CDH17: variants seen among roughly 807,000 people sequenced by gnomAD.
CDH17 encodes the protein cadherin 17, also known as cadherin-17.
Under a neutral mutation model 86.3 loss-of-function variants are expected in CDH17, and 67 were observed. The ratio of observed to expected loss-of-function variants is 0.78; its 90% confidence interval spans 0.64 to 0.95. CDH17 has a LOEUF of 0.95. Among genes scored for constraint, CDH17 ranks in the 40% least tolerant of loss-of-function variants. The pLI, the probability that CDH17 is intolerant of heterozygous loss-of-function variation, is 0.00. For synonymous variants in CDH17, 367 were observed against 366.4 expected (o/e 1.00, Z -0.02); for missense variants, 993 against 1,017.6 (o/e 0.98, Z 0.33).
At chr8:94,193,625 T>C (rs543294424) in intron 2 of CDH17, among the ~76,000 whole-genome samples, 2 of 152,198 alleles carry the variant, frequency 1.3e-5, no homozygotes, top group East Asian at 1.9e-4. Flanking sequence ...TGGGATAACA[T>C]AGGTGACAAA....
rs371543248 is a variant in CDH17, at chr8:94,162,217, A to G, written c.1283-55T>C. 1.2e-4 allele frequency: 139 copies of G among 1,133,108 alleles called. No individual in the cohort carries two copies. In the African/African-American group the frequency reaches 1.7e-3, roughly 14 times the overall value. 70.2% of individuals were successfully genotyped at this position (1,133,108 alleles called of 1,614,324 possible). ...TTTTCACTGAAAACCATGCATTAAT[A>G]TCAGAAATCTGCAAGAAAATACTTG... On this transcript the variant is annotated intron_variant, in intron 10 of 17. Transcript: ENST00000027335.
In CDH17 at chr8:94,127,163, CAACA is replaced by C. The variant is rs1812318486; in HGVS notation, c.*1073_*1076del. On this transcript the variant is annotated 3_prime_UTR_variant, in exon 18 of 18. Transcript: ENST00000027335. ...AAATAAAAACAGAGGCAGAGCGGAT[CAACA>C]AACAAAACTGACTACAACCAGTGTT... is the stretch of plus-strand genomic sequence containing the variant. 6.6e-6 allele frequency: 1 copy of C among 152,216 alleles called. No individual in the cohort carries two copies. The highest frequency in any genetic ancestry group is 1.5e-5 in the Non-Finnish European group (1 of 68,024). The allele number at this position is 152,216 out of a possible 1,614,324, so 9.4% of individuals were successfully genotyped here.
At chr8:94,165,338 G>A (rs1348179277) in intron 10 of CDH17, among the ~76,000 whole-genome samples, 1 of 152,136 alleles carries the variant, frequency 6.6e-6, no homozygotes, top group Non-Finnish European at 1.5e-5. Flanking sequence ...CGACAGCTGT[G>A]CCAAGCTTTC....
At chr8:94,197,181 C>A (rs1268483157) in intron 1 of CDH17, 1 of 152,106 alleles carries the variant, frequency 6.6e-6, no homozygotes, top group Non-Finnish European at 1.5e-5. Context: ...TTTCTCTACC[C>A]TGAGTTGATG....
intron 3 of CDH17, among the ~76,000 whole-genome samples, chr8:94,184,738 G>GA (rs979688488): frequency 1.1e-4 from 17 of 150,578 alleles, no homozygotes; most frequent in East Asian, 5.8e-4. Context: ...TTTAAAATGA[G>GA]AAAAAAAAAG....
chr8:94,179,153 G>A (rs1383251177), intron 3 of CDH17, among the ~76,000 whole-genome samples: 1 of 151,884 alleles, frequency 6.6e-6, no homozygotes, highest in African/African-American at 2.4e-5. Flanking sequence ...TCACACCACA[G>A]TACCATGGAG....
At chr8:94,166,640 T>C (rs1444272857) in intron 9 of CDH17, among the ~76,000 whole-genome samples, 1 of 152,120 alleles carries the variant, frequency 6.6e-6, no homozygotes, top group Non-Finnish European at 1.5e-5. Flanking sequence ...ATGGGACTCA[T>C]TTGCAAATAA....
chr8:94,172,318 C>A (rs1813284587), intron 7 of CDH17, among the ~76,000 whole-genome samples: 1 of 151,982 alleles, frequency 6.6e-6, no homozygotes, highest in Non-Finnish European at 1.5e-5. Context: ...GCTGTTCTTC[C>A]TTTTTTTTCC....
intron 3 of CDH17, among the ~76,000 whole-genome samples, 163 bp from the exon 4 acceptor site, chr8:94,177,884 A>G (rs1359927341): frequency 6.6e-6 from 1 of 152,260 alleles, no homozygotes; most frequent in Non-Finnish European, 1.5e-5. Flanking sequence ...TTTGCACAAT[A>G]ACTGTGTAAC....
At chr8:94,156,736 C>A (rs921860856) in intron 12 of CDH17, among the ~76,000 whole-genome samples, 3 of 152,172 alleles carry the variant, frequency 2.0e-5, no homozygotes, top group African/African-American at 7.2e-5. Context: ...CATACCTGTC[C>A]GCAGGTAGAA....
chr8:94,175,899 G>A (rs974470570), intron 5 of CDH17, among the ~76,000 whole-genome samples: 3 of 152,090 alleles, frequency 2.0e-5, no homozygotes, highest in African/African-American at 4.8e-5. Flanking sequence ...TCAACTGGGG[G>A]TAATTTTTGA....
chr8:94,173,490 G>A (rs995098383), intron 7 of CDH17, among the ~76,000 whole-genome samples: 3 of 152,258 alleles, frequency 2.0e-5, no homozygotes, highest in Non-Finnish European at 1.5e-5. Context: ...AGCAGATGCT[G>A]GAGCCACGCT....
In CDH17 at chr8:94,130,980, C is replaced by T. The variant is rs765077127; in HGVS notation, c.2180G>A (p.Arg727Gln). The T allele has an allele frequency of 2.4e-5, 37 of 1,571,446 alleles. No homozygotes were observed. The highest frequency in any genetic ancestry group is 6.7e-5 in the African/African-American group (5 of 74,126). Residue 727 changes from arginine to glutamine, a missense_variant, in exon 16 of 18, where the codon CGA becomes CAA. Physicochemically the swap from Arg to Gln is conservative, Grantham distance 43. Transcript: ENST00000027335. Reference protein sequence around the residue: ...EVSKINGTHARLSTRHTEFEE... With the variant: ...EVSKINGTHAQLSTRHTEFEE... The stretch of plus-strand genomic sequence containing the variant: ...AAACTCTGTGTGCCTGGTAGACAGT[C>T]GGGCATGAGTACCTGCCAGGACAGG...
rs1812819983 is a variant in CDH17 at position 94,149,605 on chromosome 8, A to ACTTGGGC, written c.1797-732_1797-731insGCCCAAG. Among the ~76,000 whole-genome samples the ACTTGGGC allele has an allele frequency of 2.0e-5, 3 of 152,098 alleles. No homozygotes were observed. In the South Asian group the frequency reaches 6.2e-4, roughly 32 times the overall value. Reference sequence around the variant, plus strand: ...TAGAAGGAAGAGTGTGAGATAAAGCACCAAGGGCCAAGGAACAGCATGGTG... The same window carrying ACTTGGGC: ...TAGAAGGAAGAGTGTGAGATAAAGCACTTGGGCCCAAGGGCCAAGGAACAGCATGGTG... On this transcript the variant is annotated intron_variant, in intron 13 of 17. Transcript: ENST00000027335.
chr8:94,139,133 G>A (rs1255619391), intron 15 of CDH17, among the ~76,000 whole-genome samples: 1 of 152,236 alleles, frequency 6.6e-6, no homozygotes, highest in African/African-American at 2.4e-5. Flanking sequence ...ACTGAGAAGT[G>A]TAGATAGATA....
intron 14 of CDH17, among the ~76,000 whole-genome samples, 166 bp from the exon 15 acceptor site, chr8:94,146,333 TACTG>T (rs760255299): frequency 1.2e-4 from 19 of 152,248 alleles, no homozygotes; most frequent in South Asian, 4.1e-4. Flanking sequence ...GAAAAAGTCT[TACTG>T]ACCATCATAA....
Position 94,128,197 on chromosome 8 carries a change from G to GAAAT in CDH17, c.*39_*42dup. ...GTAATAGGATGAGATGGTTGTTGCT[G>GAAAT]AAATAGCACTTGCTATATAAATTCA... On this transcript the variant is annotated 3_prime_UTR_variant, in exon 18 of 18. Transcript: ENST00000027335. The GAAAT allele has an allele frequency of 8.0e-7, 1 of 1,250,250 alleles. No homozygotes were observed. The highest frequency in any genetic ancestry group is 1.2e-6 in the Non-Finnish European group (1 of 852,336). 77.4% of individuals were successfully genotyped at this position (1,250,250 alleles called of 1,614,324 possible). A position where few individuals can be genotyped will look rare whatever the true frequency, so the allele number is the denominator to read the frequency against.
At chr8:94,190,722 GA>G (rs1413188576) in intron 2 of CDH17, among the ~76,000 whole-genome samples, 1 of 152,124 alleles carries the variant, frequency 6.6e-6, no homozygotes, top group Non-Finnish European at 1.5e-5. Context: ...TAGGTTGGGG[GA>G]AAACCATTTA....
chr8:94,181,512 T>A (rs1053068236), intron 3 of CDH17, among the ~76,000 whole-genome samples: 1 of 151,928 alleles, frequency 6.6e-6, no homozygotes, highest in Non-Finnish European at 1.5e-5. Flanking sequence ...ATCACTAATA[T>A]GTAAAATAAC....
Sources: allele counts gnomAD v4.1 joint callset (sites outside exome capture counted in the v4.1 genomes callset), GRCh38; gene constraint gnomAD v4.1.1; transcripts MANE v1.5; gene names NCBI Gene and HGNC (gene_info 2026-07-23, HGNC 2026-07-21).